BAZ2B: variants seen among roughly 807,000 people sequenced by gnomAD.
The protein encoded by BAZ2B is bromodomain adjacent to zinc finger domain 2B.
Under a neutral mutation model 246.0 loss-of-function variants are expected in BAZ2B, and 91 were observed. That is an observed-to-expected ratio of 0.37 (90% CI 0.31 to 0.44). BAZ2B has a LOEUF of 0.44. Among genes scored for constraint, BAZ2B ranks in the 20% least tolerant of loss-of-function variants. The pLI is 1.00. For missense variants in BAZ2B, 2,332 were observed against 2,533.7 expected (o/e 0.92, Z 1.71); for synonymous variants, 855 against 860.0 (o/e 0.99, Z 0.10).
At chr2:159,408,744 A>G (rs987503472) in intron 14 of BAZ2B, among the ~76,000 whole-genome samples, 1 of 151,950 alleles carries the variant, frequency 6.6e-6, no homozygotes, top group African/African-American at 2.4e-5. Context: ...CATGGTGAAA[A>G]CCGAACTCTA....
chr2:159,589,454 T>C (rs1688790204), intron 1 of BAZ2B, among the ~76,000 whole-genome samples: 1 of 151,998 alleles, frequency 6.6e-6, no homozygotes, highest in Admixed American at 6.6e-5. Flanking sequence ...CTTTTGCTGC[T>C]AGTTATCAGC....
In BAZ2B at chr2:159,438,564, C is replaced by G. The variant is rs779135889; in HGVS notation, c.1032G>C (p.Gln344His). ...ESQTHSFQSQ[Q>H]KQPQVLSQQL... ...GCTGTGACAAAACCTGAGGCTGCTTCTGCTGGGATTGGAATGAGTGAGTCT... is the reference window on the plus strand; with the variant it reads ...GCTGTGACAAAACCTGAGGCTGCTTGTGCTGGGATTGGAATGAGTGAGTCT... Residue 344 changes from glutamine (Q) to histidine (H), a missense_variant, in exon 8 of 37, where the codon CAG becomes CAC. Coordinates refer to ENST00000392783, the MANE Select transcript of BAZ2B (RefSeq NM_013450.4). 41 of 1,614,040 alleles carry G rather than the reference C, an allele frequency of 2.5e-5. No homozygotes were observed. The African/African-American group carries it at 3.7e-4, about 15-fold the overall frequency.
chr2:159,363,652 C>A (rs1371223279), intron 27 of BAZ2B, among the ~76,000 whole-genome samples: 1 of 152,062 alleles, frequency 6.6e-6, no homozygotes, highest in Admixed American at 6.5e-5. Context: ...TCCCTCACAC[C>A]AATAAATGTG....
chr2:159,496,783 CAAAAAAAAAA>C (rs10713062), intron 2 of BAZ2B, among the ~76,000 whole-genome samples: 5 of 64,202 alleles, frequency 7.8e-5, no homozygotes, highest in Non-Finnish European at 1.1e-4. Flanking sequence ...AACTCCGTCT[CAAAAAAAAAA>C]AAAAAAAAAA....
intron 19 of BAZ2B, chr2:159,396,061 A>G (rs2063973764): frequency 4.9e-6 from 2 of 412,056 alleles, no homozygotes; most frequent in Non-Finnish European, 8.8e-6. Flanking sequence ...AAGGTAAAGC[A>G]ATGAACATGG....
chr2:159,400,008 A>T (rs1032083042), intron 17 of BAZ2B, among the ~76,000 whole-genome samples: 2 of 152,188 alleles, frequency 1.3e-5, no homozygotes, highest in African/African-American at 4.8e-5. Flanking sequence ...TTGCTATTCA[A>T]ATAAAAGATT....
intron 31 of BAZ2B, among the ~76,000 whole-genome samples, chr2:159,341,399 C>G (rs79482402): frequency 0.028 from 4,261 of 152,172 alleles, 203 homozygotes; most frequent in African/African-American, 0.098. Context: ...ATTATTAGAT[C>G]CAAATGTAGA....
intron 25 of BAZ2B, among the ~76,000 whole-genome samples, chr2:159,380,122 A>G (rs560911989): frequency 1.3e-5 from 2 of 151,972 alleles, no homozygotes; most frequent in Non-Finnish European, 2.9e-5. Context: ...AGAACCTTAT[A>G]CCACAGTGCT....
chr2:159,443,696 GTTATTTCTGC>G (rs1422539373), intron 6 of BAZ2B, among the ~76,000 whole-genome samples: 4 of 152,048 alleles, frequency 2.6e-5, no homozygotes, highest in Non-Finnish European at 4.4e-5. Flanking sequence ...TCTCTATAAT[GTTATTTCTGC>G]TTAGTTGCCT....
intron 2 of BAZ2B, among the ~76,000 whole-genome samples, chr2:159,501,029 G>T (rs2081646443): frequency 7.0e-6 from 1 of 143,602 alleles, no homozygotes; most frequent in Non-Finnish European, 1.5e-5. Context: ...CAGAACTTTG[G>T]GAGGCTGAGG....
At chr2:159,399,994 T>G (rs543492481) in intron 17 of BAZ2B, among the ~76,000 whole-genome samples, 1 of 152,192 alleles carries the variant, frequency 6.6e-6, no homozygotes, top group Non-Finnish European at 1.5e-5. Flanking sequence ...GTTTTGAAAA[T>G]TGCTTGCTAT....
chr2:159,514,191 C>T (rs557505289), intron 2 of BAZ2B, among the ~76,000 whole-genome samples: 3 of 152,170 alleles, frequency 2.0e-5, no homozygotes, highest in Non-Finnish European at 4.4e-5. Context: ...TCCACTCCTA[C>T]TACATGTGCC....
At chr2:159,578,737 G>T (rs1331936117) in intron 1 of BAZ2B, among the ~76,000 whole-genome samples, 1 of 152,176 alleles carries the variant, frequency 6.6e-6, no homozygotes, top group African/African-American at 2.4e-5. Flanking sequence ...TAGGACCACA[G>T]TGCAATCAAA....
chr2:159,316,940 G>A (rs1052319655), downstream of BAZ2B, among the ~76,000 whole-genome samples: 6 of 151,904 alleles, frequency 3.9e-5, no homozygotes, highest in African/African-American at 1.5e-4. Context: ...GGCGGAGGTT[G>A]CAGTGAGCTG....
intron 1 of BAZ2B, among the ~76,000 whole-genome samples, chr2:159,571,594 G>A (rs139594104): frequency 7.6e-4 from 116 of 152,234 alleles, no homozygotes; most frequent in African/African-American, 2.7e-3. Context: ...GAGGGGAAAG[G>A]GGCTGAACAC....
At chr2:159,626,325 T>C in the BAZ2B span, among the ~76,000 whole-genome samples, 1 of 152,014 alleles carries the variant, frequency 6.6e-6, no homozygotes, top group South Asian at 2.1e-4. Flanking sequence ...ACCAAGCGGA[T>C]CTAATAAACA....
intron 17 of BAZ2B, 49 bp from the exon 18 acceptor site, chr2:159,398,943 C>G: frequency 6.5e-7 from 1 of 1,540,180 alleles, no homozygotes; most frequent in Non-Finnish European, 8.9e-7. Flanking sequence ...ACCACTACAA[C>G]TTGCAAATAA....
At chr2:159,436,676 A>G (rs889472608) in intron 8 of BAZ2B, among the ~76,000 whole-genome samples, 17 of 152,208 alleles carry the variant, frequency 1.1e-4, no homozygotes, top group Admixed American at 2.0e-4. Context: ...GCGTGAACCC[A>G]GGAGGTGGAG....
chr2:159,325,510 CTTATA>C (rs1454294105), intron 35 of BAZ2B, 138 bp downstream of exon 35: 1 of 871,592 alleles, frequency 1.1e-6, no homozygotes, highest in East Asian at 3.1e-5. Context: ...TATACTTTTA[CTTATA>C]TATTTTCTTA....
Sources: allele counts gnomAD v4.1 joint callset (sites outside exome capture counted in the v4.1 genomes callset), GRCh38; gene constraint gnomAD v4.1.1; transcripts MANE v1.5; gene names NCBI Gene and HGNC (gene_info 2026-07-23, HGNC 2026-07-21).